The following GOLGA4 variants were observed in gnomAD, a reference collection of about 807,000 sequenced individuals.
The protein encoded by GOLGA4 is golgin subfamily A member 4.
GOLGA4 carries 169 observed loss-of-function variants against 265.9 expected under a neutral mutation model. The ratio of observed to expected loss-of-function variants is 0.64; its 90% CI spans 0.56 to 0.72. GOLGA4 has a LOEUF of 0.72. Among genes scored for constraint, GOLGA4 ranks in the 30% least tolerant of loss-of-function variants. GOLGA4 has a pLI of 0.00. For synonymous variants in GOLGA4, 923 were observed against 855.8 expected (o/e 1.08, Z -1.37); for missense variants, 2,482 against 2,483.4 (o/e 1.00, Z 0.01).
Position 37,323,738 on chromosome 3 carries a change from A to G in GOLGA4, c.1852A>G (p.Ser618Gly), listed in dbSNP as rs1559427372. 6.2e-7 allele frequency: 1 copy of G among 1,613,888 alleles called. No homozygotes were observed. The highest frequency in any genetic ancestry group is 8.5e-7 in the Non-Finnish European group (1 of 1,179,966). Residue 618 changes from serine (S) to glycine (G), a missense_variant, in exon 14 of 24, where the codon AGC becomes GGC. Transcript: ENST00000361924. ...TGAAAAACACAAGACAGAATTGGAAAGCCTTAAGCATCAGCAGGATGCCCT... is the reference window on the plus strand; with the variant it reads ...TGAAAAACACAAGACAGAATTGGAAGGCCTTAAGCATCAGCAGGATGCCCT... Reference protein sequence around the residue: ...MVEKHKTELESLKHQQDALWT... With the variant: ...MVEKHKTELEGLKHQQDALWT...
chr3:37,288,186 C>T (rs925395236), intron 4 of GOLGA4, among the ~76,000 whole-genome samples: 1 of 149,084 alleles, frequency 6.7e-6, no homozygotes, highest in African/African-American at 2.5e-5. Context: ...ACTGCAACCT[C>T]CACCTCCCGG....
chr3:37,246,477 C>T (rs1037052261), intron 1 of GOLGA4, among the ~76,000 whole-genome samples: 5 of 152,146 alleles, frequency 3.3e-5, no homozygotes, highest in Non-Finnish European at 5.9e-5. Context: ...TTAGCCTTTT[C>T]AAGTACTTCT....
intron 5 of GOLGA4, 49 bp from the exon 6 acceptor site, chr3:37,294,930 A>G (rs773776488): frequency 1.6e-6 from 2 of 1,274,822 alleles, no homozygotes; most frequent in Admixed American, 2.1e-5. Flanking sequence ...AAAACTTTGT[A>G]TTTTTTGTTT....
At chr3:37,264,468 A>G (rs1326180272) in intron 2 of GOLGA4, among the ~76,000 whole-genome samples, 1 of 152,196 alleles carries the variant, frequency 6.6e-6, no homozygotes, top group Non-Finnish European at 1.5e-5. Context: ...TCTAAGAAGT[A>G]CTAGTTATTA....
intron 16 of GOLGA4, among the ~76,000 whole-genome samples, chr3:37,333,430 T>C (rs1206977032): frequency 2.6e-5 from 4 of 152,180 alleles, no homozygotes; most frequent in Non-Finnish European, 5.9e-5. Flanking sequence ...TAAAGGAAAT[T>C]ACATAACTGT....
rs983578018 is a variant in GOLGA4 at position 37,299,326 on chromosome 3, G to T, written c.1041G>T (p.Gln347His). The change falls in exon 9 of 24, where the codon CAG becomes CAT. Residue 347 changes from glutamine to histidine, a missense_variant. Transcript: ENST00000361924. ...CCGAGAAGACTAAACTTATCACTCAGTTGCGTGATGCAAAGAACTTAATTG... is the reference window on the plus strand; with the variant it reads ...CCGAGAAGACTAAACTTATCACTCATTTGCGTGATGCAAAGAACTTAATTG... ...HMAEKTKLITQLRDAKNLIEQ... is the reference protein window; with the variant it reads ...HMAEKTKLITHLRDAKNLIEQ... 9.9e-6 allele frequency: 16 copies of T among 1,613,222 alleles called. No individual in the cohort carries two copies. The highest frequency in any genetic ancestry group is 1.4e-5 in the Non-Finnish European group (16 of 1,179,254).
At chr3:37,257,898 T>TAC in intron 2 of GOLGA4, among the ~76,000 whole-genome samples, 1 of 92,828 alleles carries the variant, frequency 1.1e-5, no homozygotes, top group South Asian at 2.8e-4. Flanking sequence ...TATATACATA[T>TAC]ATATATATAT....
intron 7 of GOLGA4, among the ~76,000 whole-genome samples, chr3:37,297,824 C>T (rs571373050): frequency 7.2e-5 from 11 of 152,158 alleles, no homozygotes; most frequent in African/African-American, 2.2e-4. Flanking sequence ...GTCAGGAGTT[C>T]GAGACTAGTC....
At position 37,243,449 on chromosome 3, in the gene GOLGA4, G is replaced by A. The variant is rs2096708188; in HGVS notation, c.-102G>A. On this transcript the variant is annotated 5_prime_UTR_variant, in exon 1 of 24. Transcript: ENST00000361924. ...GAGACGGCGAGGCCCGGCCCCCGCT[G>A]TCCCTGGTGTAAAGAAGTCGCCGTA... The A allele has an allele frequency of 2.1e-6, 2 of 973,350 alleles. No individual in the cohort carries two copies. Among genetic ancestry groups the A allele is most frequent in the Non-Finnish European group, 3.3e-6 (2 of 604,074 alleles). The allele number at this position is 973,350 out of a possible 1,614,324, so 60.3% of individuals were successfully genotyped here.
chr3:37,255,524 T>C (rs1270915878), intron 2 of GOLGA4, among the ~76,000 whole-genome samples: 1 of 151,906 alleles, frequency 6.6e-6, no homozygotes, highest in African/African-American at 2.4e-5. Context: ...TTTATTTGGG[T>C]TTATATACAG....
chr3:37,304,864 TA>T (rs1488693569), intron 10 of GOLGA4, among the ~76,000 whole-genome samples: 1 of 152,224 alleles, frequency 6.6e-6, no homozygotes, highest in African/African-American at 2.4e-5. Context: ...TCATAAACCA[TA>T]TTTTTTTAAT....
At chr3:37,313,724 C>T (rs1272551449) in intron 10 of GOLGA4, among the ~76,000 whole-genome samples, 1 of 152,136 alleles carries the variant, frequency 6.6e-6, no homozygotes, top group East Asian at 1.9e-4. Flanking sequence ...TATATGTACA[C>T]ATATACACAG....
In GOLGA4 at chr3:37,326,458, A is replaced by G; in HGVS notation, c.4572A>G (p.Thr1524=). The change falls in exon 14 of 24, where the codon ACA becomes ACG. Residue 1524 remains threonine, a synonymous_variant. Transcript: ENST00000361924. ...SNLETELKSQ[T]ARIMELEDHI... The stretch of plus-strand genomic sequence containing the variant: ...TAGAAACAGAGTTAAAGTCTCAAAC[A>G]GCAAGAATTATGGAATTAGAGGACC... The G allele has an allele frequency of 6.2e-7, 1 of 1,611,004 alleles. No individual in the cohort carries two copies. The highest frequency in any genetic ancestry group is 8.5e-7 in the Non-Finnish European group (1 of 1,178,490).
intron 16 of GOLGA4, among the ~76,000 whole-genome samples, chr3:37,333,923 G>A (rs981272861): frequency 6.6e-6 from 1 of 152,156 alleles, no homozygotes; most frequent in African/African-American, 2.4e-5. Flanking sequence ...AACTATGTTT[G>A]CATTTGTTTT....
rs780773155 is a variant in GOLGA4, at chr3:37,302,216, T to C, written c.1118T>C (p.Met373Thr). The change falls in exon 10 of 24, where the codon ATG becomes ACG. Residue 373 changes from methionine to threonine, a missense_variant. By Grantham distance (81) the Met-to-Thr change is moderately conservative (BLOSUM62 -1). Transcript: ENST00000361924. Reference protein sequence around the residue: ...GMVIAETKRQMHETLEMKEEE... With the variant: ...GMVIAETKRQTHETLEMKEEE... ...GTAATCGCAGAGACAAAACGTCAGA[T>C]GCATGAAACCCTGGAAATGAAAGAA... 6.2e-7 allele frequency: 1 copy of C among 1,613,442 alleles called. No individual in the cohort carries two copies. The highest frequency in any genetic ancestry group is 1.1e-5 in the South Asian group (1 of 91,068).
At chr3:37,356,801 TA>T (rs1326772607) in intron 22 of GOLGA4, among the ~76,000 whole-genome samples, 2 of 152,190 alleles carry the variant, frequency 1.3e-5, no homozygotes, top group African/African-American at 4.8e-5. Flanking sequence ...GGCTTTTATT[TA>T]GTTATCTTTA....
At chr3:37,327,886 T>C in intron 14 of GOLGA4, 61 bp downstream of exon 14, 1 of 1,315,008 alleles carries the variant, frequency 7.6e-7, no homozygotes. Context: ...GTCTCCTTTT[T>C]TTGTGCCTAA....
At position 37,265,497 on chromosome 3, in the gene GOLGA4, A is replaced by G. The variant is rs553453074; in HGVS notation, c.162+14013A>G. On this transcript the variant is annotated intron_variant, in intron 2 of 23. Transcript: ENST00000361924. ...AATATGTAAAAATGGGTCAGTATTTATAAATGTTATTCTTAAGACTTTGTG... is the reference window on the plus strand; with the variant it reads ...AATATGTAAAAATGGGTCAGTATTTGTAAATGTTATTCTTAAGACTTTGTG... Among the ~76,000 whole-genome samples the G allele has an allele frequency of 2.0e-5, 3 of 152,306 alleles. No homozygotes were observed. In the East Asian group the frequency reaches 5.8e-4, roughly 29 times the overall value.
chr3:37,328,453 A>T lies in GOLGA4; in HGVS notation c.5977A>T (p.Thr1993Ser), dbSNP rs2096979459. The change falls in exon 15 of 24, where the codon ACA becomes TCA. Residue 1993 changes from threonine to serine, a missense_variant. By Grantham distance (58) the Thr-to-Ser change is moderately conservative. Around this residue, in one of 3 missense-constraint regions of GOLGA4, gnomAD observed 942 missense variants for 983.1 expected, o/e 0.96. Coordinates refer to ENST00000361924, the MANE Select transcript of GOLGA4 (RefSeq NM_002078.5). ...AGATCTTGAACTGAAGCACAATTCC[A>T]CATTAAAACAGCTGATGAGGGAGTT... ...QEDLELKHNSTLKQLMREFNT... is the reference protein window; with the variant it reads ...QEDLELKHNSSLKQLMREFNT... 1 of 1,612,828 alleles carries T rather than the reference A, an allele frequency of 6.2e-7. No individual in the cohort carries two copies. Among genetic ancestry groups the T allele is most frequent in the African/African-American group, 1.3e-5 (1 of 74,890 alleles).
Sources: allele counts gnomAD v4.1 joint callset (sites outside exome capture counted in the v4.1 genomes callset), GRCh38; gene constraint gnomAD v4.1.1; regional missense constraint gnomAD v4.1.1; transcripts MANE v1.5; gene names NCBI Gene and HGNC (gene_info 2026-07-23, HGNC 2026-07-21).